The following CFAP70 variants were observed in gnomAD, a reference collection of about 807,000 sequenced individuals.
CFAP70 encodes cilia- and flagella-associated protein 70.
CFAP70 carries 81 observed loss-of-function variants against 137.6 expected under a neutral mutation model. The ratio of observed to expected loss-of-function variants is 0.59; its 90% CI spans 0.49 to 0.71. CFAP70 has a LOEUF of 0.71. Ranked by LOEUF, CFAP70 falls within the 30% of genes least tolerant of loss-of-function variation. The pLI is 0.00. For synonymous variants in CFAP70, 382 were observed against 423.6 expected (o/e 0.90, Z 1.20); for missense variants, 976 against 1,226.7 (o/e 0.80, Z 3.05).
intron 3 of CFAP70, among the ~76,000 whole-genome samples, chr10:73,349,486 T>G (rs2054013174): frequency 6.7e-6 from 1 of 150,168 alleles, no homozygotes; most frequent in African/African-American, 2.5e-5. Context: ...GAGCTTGCAG[T>G]GAGCCGAGAC....
intron 9 of CFAP70, among the ~76,000 whole-genome samples, chr10:73,315,385 A>G (rs569787662): frequency 1.3e-5 from 2 of 152,314 alleles, no homozygotes; most frequent in Non-Finnish European, 2.9e-5. Flanking sequence ...TTGTTTATCT[A>G]TTCACTATCT....
intron 7 of CFAP70, among the ~76,000 whole-genome samples, chr10:73,334,533 C>G (rs1002987907): frequency 4.6e-5 from 7 of 151,948 alleles, no homozygotes; most frequent in African/African-American, 1.7e-4. Flanking sequence ...AAAGACGGAG[C>G]CTGGATACCT....
intron 16 of CFAP70, among the ~76,000 whole-genome samples, chr10:73,293,045 T>C (rs528066924): frequency 6.6e-6 from 1 of 152,338 alleles, no homozygotes; most frequent in East Asian, 1.9e-4. Flanking sequence ...GCAATTGTTC[T>C]AACACTATTT....
chr10:73,343,373 C>T (rs1332790207), intron 5 of CFAP70, among the ~76,000 whole-genome samples: 1 of 152,006 alleles, frequency 6.6e-6, no homozygotes, highest in Non-Finnish European at 1.5e-5. Flanking sequence ...TGGCCCCATG[C>T]TCAGGCAGGA....
At chr10:73,329,141 C>T (rs941739429) in intron 8 of CFAP70, among the ~76,000 whole-genome samples, 18 of 152,214 alleles carry the variant, frequency 1.2e-4, no homozygotes, top group African/African-American at 3.4e-4. Context: ...ACATATACAC[C>T]GTGGAATACT....
intron 25 of CFAP70, among the ~76,000 whole-genome samples, chr10:73,258,185 A>C (rs187275285): frequency 5.9e-4 from 90 of 152,372 alleles, no homozygotes; most frequent in Admixed American, 5.9e-4. Flanking sequence ...GAGAGTCTTC[A>C]TCAGTGCTTG....
chr10:73,319,573 C>T (rs12570380), intron 9 of CFAP70, among the ~76,000 whole-genome samples: 10,547 of 152,104 alleles, frequency 0.069, 626 homozygotes, highest in East Asian at 0.3. Context: ...TGAAATTTAC[C>T]TCTGCCTTTA....
At chr10:73,311,812 T>C (rs59948142) in intron 11 of CFAP70, 22 bp downstream of exon 12, 1 of 1,590,228 alleles carries the variant, frequency 6.3e-7, no homozygotes, top group African/African-American at 1.3e-5. Flanking sequence ...AACTTAATTT[T>C]CCAAACTTCA....
intron 7 of CFAP70, 126 bp from the exon 9 acceptor site, chr10:73,331,402 C>G (rs1180514252): frequency 1.3e-6 from 1 of 756,758 alleles, no homozygotes; most frequent in African/African-American, 1.8e-5. Context: ...TTGGGGGGCT[C>G]GGCTCAGTGG....
chr10:73,331,631 GT>G (rs975956330), intron 7 of CFAP70, among the ~76,000 whole-genome samples: 3 of 152,144 alleles, frequency 2.0e-5, no homozygotes, highest in Non-Finnish European at 4.4e-5. Flanking sequence ...ATAGTGAGCC[GT>G]GATGGTGCTA....
At chr10:73,288,841 T>C (rs564159282) in intron 19 of CFAP70, among the ~76,000 whole-genome samples, 3 of 152,348 alleles carry the variant, frequency 2.0e-5, no homozygotes, top group African/African-American at 7.2e-5. Flanking sequence ...AAATAACAGA[T>C]TCTCTTTCCT....
At chr10:73,274,480 G>A in exon 23 of CFAP70, 1 of 1,613,916 alleles carries the variant, frequency 6.2e-7, no homozygotes, top group Non-Finnish European at 8.5e-7. Flanking sequence ...AAGATGAAGT[G>A]CATCTCAGAA....
At chr10:73,353,837 T>A (rs778047965) in intron 2 of CFAP70, 95 bp from the exon 3 acceptor site, 9 of 1,149,558 alleles carry the variant, frequency 7.8e-6, no homozygotes, top group Non-Finnish European at 1.1e-5. Context: ...AAATAGCATT[T>A]TTCATTTTTT....
chr10:73,330,713 GA>G (rs1170131497), intron 8 of CFAP70, among the ~76,000 whole-genome samples: 3 of 152,008 alleles, frequency 2.0e-5, no homozygotes, highest in African/African-American at 4.8e-5. Flanking sequence ...GGGAGTTTAT[GA>G]ACAAGCAGAA....
intron 3 of CFAP70, among the ~76,000 whole-genome samples, chr10:73,349,799 C>G (rs1041186736): frequency 2.6e-5 from 4 of 152,164 alleles, no homozygotes; most frequent in Non-Finnish European, 5.9e-5. Flanking sequence ...TTTGCTTCAT[C>G]ATGTGTAGCT....
intron 1 of CFAP70, among the ~76,000 whole-genome samples, chr10:73,357,817 C>T (rs1227075026): frequency 2.6e-5 from 4 of 152,230 alleles, no homozygotes. Context: ...AAATCCTACT[C>T]ATCCTTTAAA....
At chr10:73,309,933 C>T (rs969237388) in intron 12 of CFAP70, among the ~76,000 whole-genome samples, 1 of 152,158 alleles carries the variant, frequency 6.6e-6, no homozygotes, top group Non-Finnish European at 1.5e-5. Context: ...GCTAGGATTA[C>T]AGGCATGAGC....
rs762023564 is a variant in CFAP70 at position 73,275,430 on chromosome 10, T to C, written c.2673+16A>G. ...CCCCTTCTCCAGACTCAAGAGGCTT[T>C]AGCAAAAGTCATTACCAGGTAGTCC... On this transcript the variant is annotated intron_variant, in intron 22 of 26. Transcript: ENST00000310715. This position sits in a 1 kb window ranked among gnomAD's most constrained non-coding sequence, Gnocchi z 4.0. The C allele has an allele frequency of 1.9e-6, 3 of 1,578,974 alleles. No individual in the cohort carries two copies. The highest frequency in any genetic ancestry group is 2.7e-5 in the African/African-American group (2 of 73,244).
At chr10:73,297,878 A>C (rs1310251078) in intron 14 of CFAP70, among the ~76,000 whole-genome samples, 1 of 152,230 alleles carries the variant, frequency 6.6e-6, no homozygotes, top group Non-Finnish European at 1.5e-5. Context: ...ACTGAGGCAC[A>C]GAGAGATAAA....
Sources: gnomAD v4.1 joint callset for allele counts (sites outside exome capture counted in the v4.1 genomes callset) on GRCh38, gnomAD v4.1.1 for gene constraint, Gnocchi (gnomAD v3.1) non-coding constraint, MANE v1.5 for transcripts, NCBI Gene and HGNC (gene_info 2026-07-23, HGNC 2026-07-21) for gene names.